CLVS1: variants seen among roughly 807,000 people sequenced by gnomAD.
The protein encoded by CLVS1 is clavesin-1.
A neutral mutation model predicts 33.1 loss-of-function variants in CLVS1; 10 were observed. The ratio of observed to expected loss-of-function variants is 0.30; its 90% confidence interval spans 0.19 to 0.51. The LOEUF is 0.51. CLVS1 is among the 20% of genes least tolerant of loss of function. The pLI is 0.97. For missense variants in CLVS1, 343 were observed against 433.4 expected, an observed-to-expected ratio of 0.79 and a Z score of 1.85; for synonymous variants, 163 against 166.1, an observed-to-expected ratio of 0.98 and a Z score of 0.14.
At chr8:61,498,613 A>G (rs961084297) in intron 5 of CLVS1, among the ~76,000 whole-genome samples, 14 of 152,246 alleles carry the variant, frequency 9.2e-5, no homozygotes, top group Non-Finnish European at 1.8e-4. Flanking sequence ...CCAGTATAAA[A>G]GGACACATCA....
At chr8:61,063,310 A>AGAGAGAGAGAGAGC (rs1585581099) in intron 1 of CLVS1, among the ~76,000 whole-genome samples, 2 of 145,346 alleles carry the variant, frequency 1.4e-5, no homozygotes, top group African/African-American at 2.7e-5. Flanking sequence ...AGAGAGAGAG[A>AGAGAGAGAGAGAGC]ACAGTCATTT....
intron 5 of CLVS1, among the ~76,000 whole-genome samples, chr8:61,495,055 G>C (rs1804222790): frequency 6.6e-6 from 1 of 152,206 alleles, no homozygotes; most frequent in Non-Finnish European, 1.5e-5. Context: ...AAGAGAGCCT[G>C]CATTCTGGGT....
rs146954872 is a variant in CLVS1, at chr8:61,409,697, T to C, written c.630+32918T>C. On this transcript the variant is annotated intron_variant, in intron 3 of 5. Transcript: ENST00000325897. ...TTTTGTGTAAATTAAAATTATCCGT[T>C]TGCAATTTGGGTAAGTCCATGGTTG... is the stretch of plus-strand genomic sequence containing the variant. Among the ~76,000 whole-genome samples the C allele has an allele frequency of 7.9e-3, 1,203 of 152,332 alleles. 8 individuals carry two copies. The highest frequency in any genetic ancestry group is 0.013 in the Non-Finnish European group (865 of 68,034).
At chr8:60,986,601 CG>C in the CLVS1 span, among the ~76,000 whole-genome samples, 1 of 152,244 alleles carries the variant, frequency 6.6e-6, no homozygotes, top group Non-Finnish European at 1.5e-5. Flanking sequence ...TCTGGAACTG[CG>C]GAAGATTAGA....
chr8:61,042,671 GGA>G, the CLVS1 span, among the ~76,000 whole-genome samples: 1 of 152,196 alleles, frequency 6.6e-6, no homozygotes, highest in South Asian at 2.1e-4. Context: ...AAAATTTTCA[GGA>G]GGTCAGGGAC....
At chr8:61,196,123 A>G (rs1320183827) in intron 2 of CLVS1, among the ~76,000 whole-genome samples, 1 of 152,196 alleles carries the variant, frequency 6.6e-6, no homozygotes, top group Non-Finnish European at 1.5e-5. Context: ...TCATGAATTC[A>G]TTTGTTCATT....
chr8:61,015,230 C>T, the CLVS1 span, among the ~76,000 whole-genome samples: 12 of 152,314 alleles, frequency 7.9e-5, no homozygotes, highest in African/African-American at 2.9e-4. Context: ...TTAATCCTTA[C>T]AGCAAACCTA....
At chr8:61,007,838 A>G in the CLVS1 span, among the ~76,000 whole-genome samples, 2 of 152,132 alleles carry the variant, frequency 1.3e-5, no homozygotes, top group Non-Finnish European at 2.9e-5. Flanking sequence ...GGAGGGAAGG[A>G]GCAGTGTGGC....
intron 2 of CLVS1, among the ~76,000 whole-genome samples, chr8:61,375,370 C>T (rs1011283347): frequency 1.3e-5 from 2 of 151,916 alleles, no homozygotes; most frequent in African/African-American, 4.8e-5. Context: ...CCTGCCTCAG[C>T]CTCCCAAGTA....
chr8:61,130,503 T>C (rs1378373433), intron 1 of CLVS1, among the ~76,000 whole-genome samples: 1 of 152,186 alleles, frequency 6.6e-6, no homozygotes, highest in Non-Finnish European at 1.5e-5. Context: ...AAAGAGCTTT[T>C]AAGCCAGACA....
At chr8:61,410,692 A>C (rs563717438) in intron 3 of CLVS1, among the ~76,000 whole-genome samples, 6 of 152,020 alleles carry the variant, frequency 3.9e-5, no homozygotes, top group African/African-American at 1.4e-4. Flanking sequence ...CCCCGGCTGG[A>C]GTGCAGTGGC....
In CLVS1 at chr8:61,144,504, G is replaced by A. The variant is rs566857144; in HGVS notation, c.-152+12644G>A. On this transcript the variant is annotated intron_variant, in intron 2 of 2. Coordinates refer to the CLVS1 transcript ENST00000522621. ...CTTTGCTATTCACTTTGTGAATAGT[G>A]CTGCAATAACATATGTGTGCATGTA... Among the ~76,000 whole-genome samples the A allele has an allele frequency of 3.3e-5, 5 of 152,178 alleles. No homozygotes were observed. In the East Asian group the frequency reaches 9.6e-4, roughly 29 times the overall value.
At chr8:61,480,496 C>G (rs1309131674) in intron 5 of CLVS1, among the ~76,000 whole-genome samples, 1 of 152,172 alleles carries the variant, frequency 6.6e-6, no homozygotes, top group African/African-American at 2.4e-5. Flanking sequence ...CTTTCTTTGA[C>G]TAGGAAAGGG....
rs1460689188 is a variant in CLVS1, at chr8:61,499,522, C to G, written c.1045C>G (p.Pro349Ala). The G allele has an allele frequency of 2.5e-6, 4 of 1,613,502 alleles. No individual in the cohort carries two copies. The Admixed American group carries it at 5.0e-5, about 20-fold the overall frequency. The change falls in exon 6 of 6, where the codon CCA (proline) becomes GCA (alanine). Residue 349 changes from proline (P) to alanine (A), a missense_variant. Pro to Ala is a conservative substitution (Grantham distance 27). Around this residue, in one of 4 missense-constraint regions of CLVS1, gnomAD observed 86 missense variants for 95.0 expected, o/e 0.91. Transcript: ENST00000325897. ...EEKGENENTQPLLALD is the reference protein window; with the variant it reads ...EEKGENENTQALLALD The stretch of plus-strand genomic sequence containing the variant: ...GAAGGGAGAGAATGAGAACACCCAG[C>G]CACTCCTGGCTCTGGACTGAACCCT...
chr8:61,241,646 A>C (rs147752866), intron 2 of CLVS1, among the ~76,000 whole-genome samples: 8 of 152,346 alleles, frequency 5.3e-5, no homozygotes, highest in Admixed American at 1.3e-4. Flanking sequence ...CTACATCCAC[A>C]TACATTGGGA....
chr8:61,092,871 G>A (rs1023521765), intron 1 of CLVS1, among the ~76,000 whole-genome samples: 3 of 152,106 alleles, frequency 2.0e-5, no homozygotes, highest in Admixed American at 2.0e-4. Context: ...ATATTGGGAG[G>A]CCATTATTCT....
At chr8:61,080,024 G>A (rs1479480924) in intron 1 of CLVS1, among the ~76,000 whole-genome samples, 2 of 152,182 alleles carry the variant, frequency 1.3e-5, no homozygotes, top group East Asian at 3.8e-4. Context: ...GGATGCATGG[G>A]GGTAATACTT....
chr8:61,325,299 C>T (rs113101340), intron 2 of CLVS1, among the ~76,000 whole-genome samples: 20 of 152,136 alleles, frequency 1.3e-4, no homozygotes, highest in Admixed American at 5.9e-4. Context: ...ACAATGTATA[C>T]GTATATCAAA....
At chr8:61,270,318 A>ACC in intron 2 of CLVS1, among the ~76,000 whole-genome samples, 1 of 152,322 alleles carries the variant, frequency 6.6e-6, no homozygotes, top group East Asian at 1.9e-4. Flanking sequence ...GATTAGATTT[A>ACC]TTGATTTGCG....
Sources: gnomAD v4.1 joint callset for allele counts (sites outside exome capture counted in the v4.1 genomes callset) on GRCh38, gnomAD v4.1.1 for gene constraint, gnomAD v4.1.1 regional missense constraint, MANE v1.5 for transcripts, NCBI Gene and HGNC (gene_info 2026-07-23, HGNC 2026-07-21) for gene names.